The following PKLR variants were observed in gnomAD, a reference collection of about 807,000 sequenced individuals.
The protein encoded by PKLR is pyruvate kinase PKLR.
Under a neutral mutation model 53.6 loss-of-function variants are expected in PKLR, and 38 were observed. The ratio of observed to expected loss-of-function variants is 0.71; its 90% CI spans 0.55 to 0.93. The LOEUF (loss-of-function observed/expected upper bound fraction) is 0.93, where lower values mean the gene tolerates loss of function less well. Ranked by LOEUF, PKLR falls within the 40% of genes least tolerant of loss-of-function variation. PKLR has a pLI of 0.00. For synonymous variants in PKLR, 328 were observed against 316.2 expected, an observed-to-expected ratio of 1.04 and a Z score of -0.39; for missense variants, 702 against 787.3, an observed-to-expected ratio of 0.89 and a Z score of 1.30.
Position 155,295,499 on chromosome 1 carries a change from G to A in PKLR, c.445C>T (p.Arg149Trp), listed in dbSNP as rs1437892556. ...GTGTCCAGGGCGATGGCCACGGGCC[G>A]GTAGCTGAGTGGGGAACCTGCAAAG... is the stretch of plus-strand genomic sequence containing the variant. ...ESFAGSPLSY[R>W]PVAIALDTKG... The change falls in exon 4 of 11, where the codon CGG becomes TGG. Residue 149 changes from arginine (R) to tryptophan (W), a missense_variant. Arg to Trp is a moderately radical substitution (Grantham distance 101, BLOSUM62 -3). Coordinates refer to ENST00000342741, the MANE Select transcript of PKLR (RefSeq NM_000298.6). The surrounding 1 kb of genome is among the most constrained non-coding windows in gnomAD (Gnocchi z 4.3). The A allele has an allele frequency of 1.2e-6, 2 of 1,610,268 alleles. No individual in the cohort carries two copies. Among genetic ancestry groups the A allele is most frequent in the Admixed American group, 1.7e-5 (1 of 59,168 alleles).
In PKLR at chr1:155,295,850, A is replaced by ACAGG; in HGVS notation, c.284-98_284-95dup. ...TACCATTCTCAGAACGCCTCACGCC[A>ACAGG]CAGGCGTCCTGTTACCTGATCTTTA... is the stretch of plus-strand genomic sequence containing the variant. On this transcript the variant is annotated intron_variant, in intron 2 of 10. Transcript: ENST00000342741. This position sits in a 1 kb window ranked among gnomAD's most constrained non-coding sequence, Gnocchi z 4.3. 1 of 1,024,960 alleles carries ACAGG rather than the reference A, an allele frequency of 9.8e-7. No homozygotes were observed. Among genetic ancestry groups the ACAGG allele is most frequent in the Non-Finnish European group, 1.5e-6 (1 of 654,386 alleles). 63.5% of individuals were successfully genotyped at this position (1,024,960 alleles called of 1,614,324 possible). A position where few individuals can be genotyped will look rare whatever the true frequency, so the allele number is the denominator to read the frequency against.
At chr1:155,298,195 C>T (rs1015830471) in intron 2 of PKLR, among the ~76,000 whole-genome samples, 1 of 152,088 alleles carries the variant, frequency 6.6e-6, no homozygotes, top group Non-Finnish European at 1.5e-5. Flanking sequence ...GCCACCACGC[C>T]CAGCTAATTT....
At chr1:155,306,560 G>A in the PKLR span, among the ~76,000 whole-genome samples, 1 of 152,146 alleles carries the variant, frequency 6.6e-6, no homozygotes, top group African/African-American at 2.4e-5. The surrounding 1 kb of genome is among the most constrained non-coding windows in gnomAD (Gnocchi z 4.2). Context: ...GGCAGAAGGA[G>A]GTCAGGGCAG....
At chr1:155,308,472 T>A in the PKLR span, 3 of 785,134 alleles carry the variant, frequency 3.8e-6, no homozygotes, top group East Asian at 2.5e-4. Flanking sequence ...GCAAGTTCAC[T>A]GAGGATCAGA....
Position 155,293,540 on chromosome 1 carries a change from G to A in PKLR, c.1167C>T (p.Ser389=), listed in dbSNP as rs772465237. 5.4e-5 allele frequency: 87 copies of A among 1,614,144 alleles called. No homozygotes were observed. Among genetic ancestry groups the A allele is most frequent in the Non-Finnish European group, 7.0e-5 (83 of 1,180,004 alleles). Residue 389 remains serine, a synonymous_variant, in exon 8 of 11, where the codon AGC becomes AGT. Coordinates refer to ENST00000342741, the MANE Select transcript of PKLR (RefSeq NM_000298.6). The surrounding 1 kb of genome is among the most constrained non-coding windows in gnomAD (Gnocchi z 4.2). ...CATCCAGCACAGCATTGGCGACATC[G>A]CTTGTCTCTGCCCTCGTTGGCCGGG... The part of the protein sequence containing the change: ...TKPRPTRAET[S]DVANAVLDGA...
At chr1:155,290,732 T>A in intron 10 of PKLR, 54 bp from the exon 11 acceptor site, 1 of 1,098,724 alleles carries the variant, frequency 9.1e-7, no homozygotes, top group Non-Finnish European at 1.4e-6. Flanking sequence ...CTCACACCTG[T>A]AATCCCATCA....
chr1:155,305,486 G>T (rs1648208393), upstream of PKLR, among the ~76,000 whole-genome samples: 1 of 152,164 alleles, frequency 6.6e-6, no homozygotes, highest in East Asian at 1.9e-4. Flanking sequence ...TGAGCATGGG[G>T]CCTCATCTTT....
At chr1:155,306,378 G>A (rs969784498), upstream of PKLR, among the ~76,000 whole-genome samples, 5 of 152,126 alleles carry the variant, frequency 3.3e-5, no homozygotes, top group African/African-American at 1.2e-4. This position sits in a 1 kb window ranked among gnomAD's most constrained non-coding sequence, Gnocchi z 4.2. Context: ...GCCGTGCCCC[G>A]ACGCATGCCA....
chr1:155,289,461 C>T lies in PKLR; in HGVS notation c.*1111G>A, dbSNP rs1674439218. ...AGCCTCTGTGGTCCTTGCCCAAACC[C>T]ATCAGCGCAATACTTGAACCTTCTC... On this transcript the variant is annotated 3_prime_UTR_variant, in exon 11 of 11. Transcript: ENST00000342741. 6.6e-6 allele frequency: 1 copy of T among 152,260 alleles called. No homozygotes were observed. 9.4% of individuals were successfully genotyped at this position (152,260 alleles called of 1,614,324 possible).
chr1:155,300,789 G>A, intron 1 of PKLR: 1 of 1,457,044 alleles, frequency 6.9e-7, no homozygotes, highest in South Asian at 1.2e-5. Flanking sequence ...CATCCTCTGA[G>A]TCTCCCCAGG....
rs1647542552 is a variant in PKLR, at chr1:155,295,637, A to AC, written c.375+27dup. 1 of 1,613,688 alleles carries AC rather than the reference A, an allele frequency of 6.2e-7. No individual in the cohort carries two copies. Among genetic ancestry groups the AC allele is most frequent in the Non-Finnish European group, 8.5e-7 (1 of 1,179,848 alleles). On this transcript the variant is annotated intron_variant, in intron 3 of 10. Coordinates refer to ENST00000342741, the MANE Select transcript of PKLR (RefSeq NM_000298.6). This position sits in a 1 kb window ranked among gnomAD's most constrained non-coding sequence, Gnocchi z 4.3. ...GGACCTCGAGGCATCCTCCTGCCCC[A>AC]CCCACTGCCCGGCGGCCCGTCCCGC...
chr1:155,294,403 T>A lies in PKLR; in HGVS notation c.966-18A>T, dbSNP rs1486669724. ...CATCAAACCTGAGAGGTTGGGAGAA[T>A]CAAGGCAGAGGCAGGCAGGAGAAGA... On this transcript the variant is annotated intron_variant, in intron 6 of 10. Coordinates refer to ENST00000342741, the MANE Select transcript of PKLR (RefSeq NM_000298.6). 3.7e-6 allele frequency: 6 copies of A among 1,614,008 alleles called. No homozygotes were observed. Among genetic ancestry groups the A allele is most frequent in the Non-Finnish European group, 5.1e-6 (6 of 1,179,994 alleles).
rs762094018 is a variant in PKLR at position 155,300,165 on chromosome 1, G to A, written c.216C>T (p.His72=). ...CGGAGTCAATGTCCAGTAGGCAGAG[G>A]TGTTCCAGGAAGGTGTCTGCCATAG... ...PAAMADTFLE[H]LCLLDIDSEP... The change falls in exon 2 of 11, where the codon CAC becomes CAT. Residue 72 remains histidine (H), a synonymous_variant. Transcript: ENST00000342741. The A allele has an allele frequency of 5.0e-5, 80 of 1,613,928 alleles. No homozygotes were observed. In the South Asian group the frequency reaches 5.9e-4, roughly 12 times the overall value.
Position 155,295,446 on chromosome 1 carries a change from G to A in PKLR, c.498C>T (p.Ile166=), listed in dbSNP as rs771412921. Residue 166 remains isoleucine (I), a synonymous_variant, in exon 4 of 11, where the codon ATC becomes ATT. Transcript: ENST00000342741. This position sits in a 1 kb window ranked among gnomAD's most constrained non-coding sequence, Gnocchi z 4.3. ...DTKGPEIRTG[I]LQGGPESEVE... The stretch of plus-strand genomic sequence containing the variant: ...CAGCCCCACTGCTCACCCCCTGCAG[G>A]ATCCCAGTGCGGATCTCCGGTCCCT... The A allele has an allele frequency of 2.1e-5, 33 of 1,609,406 alleles. No individual in the cohort carries two copies. The highest frequency in any genetic ancestry group is 2.6e-5 in the Non-Finnish European group (31 of 1,177,978).
chr1:155,308,364 G>A, the PKLR span, among the ~76,000 whole-genome samples: 10 of 152,072 alleles, frequency 6.6e-5, no homozygotes. Flanking sequence ...ACCGTGCCCG[G>A]CCCAAGACTC....
Position 155,293,167 on chromosome 1 carries a change from TC to T in PKLR, c.1436+9del, listed in dbSNP as rs776033424. On this transcript the variant is annotated intron_variant, in intron 9 of 10. Coordinates refer to ENST00000342741, the MANE Select transcript of PKLR (RefSeq NM_000298.6). The surrounding 1 kb of genome is among the most constrained non-coding windows in gnomAD (Gnocchi z 4.2). The stretch of plus-strand genomic sequence containing the variant: ...AAGCTCCATCTGGACATTCCCAATA[TC>T]CCCCTCACCGGCCAGTTGTGGTCAG... 9 of 1,572,082 alleles carry T rather than the reference TC, an allele frequency of 5.7e-6. 1 individual carries two copies. In the South Asian group the frequency reaches 9.9e-5, roughly 17 times the overall value.
Position 155,296,854 on chromosome 1 carries a change from C to T in PKLR, c.284-1098G>A, listed in dbSNP as rs560393316. Among the ~76,000 whole-genome samples, 3 of 152,194 alleles carry T rather than the reference C, an allele frequency of 2.0e-5. No homozygotes were observed. In the East Asian group the frequency reaches 5.8e-4, roughly 29 times the overall value. ...CTCCCTTGAACCCACCCCACTCAGGCGTTGGCCTCCATCTCTCCACTGCAT... is the reference window on the plus strand; with the variant it reads ...CTCCCTTGAACCCACCCCACTCAGGTGTTGGCCTCCATCTCTCCACTGCAT... On this transcript the variant is annotated intron_variant, in intron 2 of 10. Coordinates refer to ENST00000342741, the MANE Select transcript of PKLR (RefSeq NM_000298.6).
chr1:155,307,444 A>G, the PKLR span, among the ~76,000 whole-genome samples: 1 of 152,230 alleles, frequency 6.6e-6, no homozygotes, highest in African/African-American at 2.4e-5. Flanking sequence ...AGGCATTCTA[A>G]GTCACAGGAT....
chr1:155,295,105 C>G lies in PKLR; in HGVS notation c.694+11G>C. ...GCACGGATGTGGTCAGGGCGGGAGG[C>G]GCGTCCGCACCGATTTTCTGGACCA... On this transcript the variant is annotated intron_variant, in intron 5 of 10. Transcript: ENST00000342741. This position sits in a 1 kb window ranked among gnomAD's most constrained non-coding sequence, Gnocchi z 4.3. The G allele has an allele frequency of 6.2e-7, 1 of 1,613,350 alleles. No homozygotes were observed. The highest frequency in any genetic ancestry group is 8.5e-7 in the Non-Finnish European group (1 of 1,179,660).
Sources: gnomAD v4.1 joint callset for allele counts (sites outside exome capture counted in the v4.1 genomes callset) on GRCh38, gnomAD v4.1.1 for gene constraint, Gnocchi (gnomAD v3.1) non-coding constraint, MANE v1.5 for transcripts, NCBI Gene and HGNC (gene_info 2026-07-23, HGNC 2026-07-21) for gene names.